FBXL18: variants seen among roughly 807,000 people sequenced by gnomAD.
FBXL18 encodes the protein F-box and leucine rich repeat protein 18, also known as F-box/LRR-repeat protein 18.
In FBXL18, 36 loss-of-function variants were observed where a neutral mutation model predicts 46.0. The observed-to-expected ratio is 0.78, with a 90% CI of 0.60 to 1.03. The LOEUF is 1.03. Among genes scored for constraint, FBXL18 ranks in the 50% least tolerant of loss-of-function variants. The pLI is 0.00. For missense variants in FBXL18, 977 were observed against 1,004.1 expected, an observed-to-expected ratio of 0.97 and a Z score of 0.36; for synonymous variants, 557 against 465.3, an observed-to-expected ratio of 1.20 and a Z score of -2.54.
In FBXL18 at chr7:5,491,127, T is replaced by G; in HGVS notation, c.2000+104A>C. ...CTGTCACTGCCTGGTGCTCGTCAAT[T>G]CCAAGAAACCACTGGTAGGCACTCG... On this transcript the variant is annotated intron_variant, in intron 4 of 4. Coordinates refer to ENST00000382368, the MANE Select transcript of FBXL18 (RefSeq NM_024963.6). 3.6e-6 allele frequency: 4 copies of G among 1,098,398 alleles called. No individual in the cohort carries two copies. The South Asian group carries it at 6.0e-5, about 17-fold the overall frequency. The allele number at this position is 1,098,398 out of a possible 1,614,324, so 68.0% of individuals were successfully genotyped here.
At chr7:5,507,270 C>T (rs1037454244) in intron 1 of FBXL18, among the ~76,000 whole-genome samples, 4 of 152,128 alleles carry the variant, frequency 2.6e-5, no homozygotes, top group East Asian at 1.9e-4. Context: ...ACACCCCACA[C>T]GGGTATCGGA....
intron 4 of FBXL18, chr7:5,489,704 G>A (rs887602641): frequency 6.6e-5 from 15 of 226,608 alleles, no homozygotes; most frequent in African/African-American, 1.2e-4. Flanking sequence ...TCGTGAACCC[G>A]GGAGGCAGAG....
Position 5,500,789 on chromosome 7 carries a change from T to C in FBXL18, c.1480A>G (p.Asn494Asp). 1.2e-6 allele frequency: 2 copies of C among 1,612,628 alleles called. No homozygotes were observed. Among genetic ancestry groups the C allele is most frequent in the Non-Finnish European group, 8.5e-7 (1 of 1,179,770 alleles). The stretch of plus-strand genomic sequence containing the variant: ...TTGCGGGGCATGGCGGAGGAGAAGT[T>C]GGACCCAATCAGCTCGAGGTGTTCC... ...FLEHLELIGSNFSSAMPRNEP... is the reference protein window; with the variant it reads ...FLEHLELIGSDFSSAMPRNEP... Residue 494 changes from asparagine (N) to aspartate (D), a missense_variant, in exon 3 of 5, where the codon AAC (asparagine) becomes GAC (aspartate). Physicochemically the swap from Asn to Asp is conservative, Grantham distance 23 (BLOSUM62 1). Coordinates refer to ENST00000382368, the MANE Select transcript of FBXL18 (RefSeq NM_024963.6).
intron 1 of FBXL18, among the ~76,000 whole-genome samples, chr7:5,510,011 C>T (rs1784489086): frequency 6.6e-6 from 1 of 151,968 alleles, no homozygotes; most frequent in Non-Finnish European, 1.5e-5. Context: ...AAACAAAAAC[C>T]AGGGTGCAGG....
intron 4 of FBXL18, among the ~76,000 whole-genome samples, chr7:5,488,570 C>T (rs1783834502): frequency 2.0e-5 from 3 of 152,194 alleles, no homozygotes; most frequent in Non-Finnish European, 4.4e-5. Context: ...GTCTGAGGGC[C>T]CCAGACTCAC....
At position 5,478,846 on chromosome 7, in the gene FBXL18, G is replaced by C. The variant is rs538031026; in HGVS notation, c.*2929C>G. The C allele has an allele frequency of 2.6e-5, 4 of 152,212 alleles. No individual in the cohort carries two copies. The highest frequency in any genetic ancestry group is 9.6e-5 in the African/African-American group (4 of 41,528). 9.4% of individuals were successfully genotyped at this position (152,212 alleles called of 1,614,324 possible). Reference sequence around the variant, plus strand: ...CACACACAGGGCACAGGTACCCGCAGGCACACGTGCACGCAGGCACACGCA... The same window carrying C: ...CACACACAGGGCACAGGTACCCGCACGCACACGTGCACGCAGGCACACGCA... On this transcript the variant is annotated 3_prime_UTR_variant, in exon 5 of 5. Coordinates refer to ENST00000382368, the MANE Select transcript of FBXL18 (RefSeq NM_024963.6).
At chr7:5,456,500 C>T (rs749486283) in intron 4 of FBXL18, among the ~76,000 whole-genome samples, 12 of 152,210 alleles carry the variant, frequency 7.9e-5, no homozygotes, top group Non-Finnish European at 1.8e-4. Context: ...AGCAGGGAGG[C>T]AGAGCCTGAG....
intron 4 of FBXL18, among the ~76,000 whole-genome samples, chr7:5,486,999 C>T (rs942769477): frequency 1.3e-5 from 2 of 152,296 alleles, no homozygotes; most frequent in Non-Finnish European, 2.9e-5. Flanking sequence ...TCCTCCTCCT[C>T]CTTCCGCGCC....
At chr7:5,460,920 T>A (rs1321331245) in intron 4 of FBXL18, among the ~76,000 whole-genome samples, 1 of 152,230 alleles carries the variant, frequency 6.6e-6, no homozygotes, top group African/African-American at 2.4e-5. Flanking sequence ...TTTTTTGTTT[T>A]GTGGAAGCTG....
chr7:5,511,506 T>G lies in FBXL18; in HGVS notation c.18+2151A>C, dbSNP rs1584249884. Among the ~76,000 whole-genome samples, 6 of 150,252 alleles carry G rather than the reference T, an allele frequency of 4.0e-5. No homozygotes were observed. The South Asian group carries it at 1.3e-3, about 32-fold the overall frequency. Reference sequence around the variant, plus strand: ...CTGTAATCCCAGCTACTTGGGAGGCTGAGGCAGGAGAATCGCTTGAACCTG... The same window carrying G: ...CTGTAATCCCAGCTACTTGGGAGGCGGAGGCAGGAGAATCGCTTGAACCTG... On this transcript the variant is annotated intron_variant, in intron 1 of 4. Coordinates refer to ENST00000382368, the MANE Select transcript of FBXL18 (RefSeq NM_024963.6).
intron 4 of FBXL18, among the ~76,000 whole-genome samples, chr7:5,459,045 G>A (rs1783209433): frequency 6.6e-6 from 1 of 152,172 alleles, no homozygotes; most frequent in Non-Finnish European, 1.5e-5. Flanking sequence ...CACAGCTACT[G>A]AGGAAGCTGA....
chr7:5,498,178 C>T (rs1030973622), intron 3 of FBXL18, among the ~76,000 whole-genome samples: 13 of 151,124 alleles, frequency 8.6e-5, no homozygotes, highest in African/African-American at 3.2e-4. Context: ...AGATCCGCCT[C>T]CCGGGTTCAT....
In FBXL18 at chr7:5,491,360, CGA is replaced by C. The variant is rs1562692364; in HGVS notation, c.1869_1870del (p.Arg624GlnfsTer77). 1.2e-6 allele frequency: 2 copies of C among 1,610,258 alleles called. No individual in the cohort carries two copies. The highest frequency in any genetic ancestry group is 1.3e-5 in the African/African-American group (1 of 75,032). On this transcript the variant is annotated frameshift_variant, in exon 4 of 5. Transcript: ENST00000382368. LOFTEE classifies it high-confidence loss of function. ...GGCATCGGGCTGGAGGGTGCCGCTGCGAGAGACCAGGCACAGGCGCTGCAGCG... is the reference window on the plus strand; with the variant it reads ...GGCATCGGGCTGGAGGGTGCCGCTGCGAGACCAGGCACAGGCGCTGCAGCG...
At chr7:5,462,823 C>T (rs1057311526) in intron 4 of FBXL18, among the ~76,000 whole-genome samples, 4 of 149,150 alleles carry the variant, frequency 2.7e-5, no homozygotes, top group Admixed American at 6.7e-5. Flanking sequence ...TGGTGGCGGG[C>T]GCCTATAGTC....
intron 4 of FBXL18, among the ~76,000 whole-genome samples, chr7:5,459,638 G>A (rs1457097605): frequency 6.6e-6 from 1 of 152,002 alleles, no homozygotes; most frequent in African/African-American, 2.4e-5. Flanking sequence ...TACTCAGGAG[G>A]CTGAGGCAGG....
At chr7:5,464,837 G>A (rs2128231359) in intron 4 of FBXL18, among the ~76,000 whole-genome samples, 1 of 151,788 alleles carries the variant, frequency 6.6e-6, no homozygotes, top group Admixed American at 6.6e-5. Flanking sequence ...GCCGAGGTGG[G>A]CAAATCACCA....
At position 5,501,798 on chromosome 7, in the gene FBXL18, G is replaced by A. The variant is rs745624473; in HGVS notation, c.471C>T (p.Phe157=). 7.0e-6 allele frequency: 11 copies of A among 1,569,870 alleles called. No individual in the cohort carries two copies. Among genetic ancestry groups the A allele is most frequent in the Admixed American group, 1.9e-5 (1 of 52,412 alleles). ...RSLAIDVSPG[F]DASQLSSECK... ...ACTCGCTGCTCAGCTGGCTGGCGTC[G>A]AAGCCGGGGCTCACGTCGATGGCCA... is the stretch of plus-strand genomic sequence containing the variant. Residue 157 remains phenylalanine (F), a synonymous_variant, in exon 3 of 5, where the codon TTC becomes TTT. Coordinates refer to ENST00000382368, the MANE Select transcript of FBXL18 (RefSeq NM_024963.6).
In FBXL18 at chr7:5,500,723, C is replaced by G. The variant is rs1421393647; in HGVS notation, c.1546G>C (p.Ala516Pro). Residue 516 changes from alanine (A) to proline (P), a missense_variant, in exon 3 of 5, where the codon GCA (alanine) becomes CCA (proline). Physicochemically the swap from Ala to Pro is conservative, Grantham distance 27. Transcript: ENST00000382368. ...ACCTCCGAGTCCCCGACACTCTGTGCGCGGCTGCAGGGTGGGAGCGAGTTG... is the reference window on the plus strand; with the variant it reads ...ACCTCCGAGTCCCCGACACTCTGTGGGCGGCTGCAGGGTGGGAGCGAGTTG... ...IRNSLPPCSR[A>P]QSVGDSEVAA... 4 of 1,611,916 alleles carry G rather than the reference C, an allele frequency of 2.5e-6. No homozygotes were observed. The South Asian group carries it at 3.3e-5, about 13-fold the overall frequency.
chr7:5,464,994 T>C (rs558107435), intron 4 of FBXL18, among the ~76,000 whole-genome samples: 48 of 151,756 alleles, frequency 3.2e-4, no homozygotes, highest in African/African-American at 9.2e-4. Flanking sequence ...ACCCAGGAGA[T>C]GGAGGTTGCA....
Sources: allele counts gnomAD v4.1 joint callset (sites outside exome capture counted in the v4.1 genomes callset), GRCh38; gene constraint gnomAD v4.1.1; transcripts MANE v1.5; gene names NCBI Gene and HGNC (gene_info 2026-07-23, HGNC 2026-07-21).